SGCZ: variants seen among roughly 807,000 people sequenced by gnomAD.
SGCZ encodes the protein zeta-sarcoglycan.
In SGCZ, 40 loss-of-function variants were observed where a neutral mutation model predicts 41.3. The ratio of observed to expected loss-of-function variants is 0.97; its 90% confidence interval spans 0.75 to 1.26. The LOEUF is 1.26. SGCZ is among the 50% of genes most tolerant of loss of function. The pLI is 0.00. For missense variants in SGCZ, 552 were observed against 369.8 expected (o/e 1.49, Z -4.04); for synonymous variants, 206 against 137.5 (o/e 1.50, Z -3.49).
At chr8:14,099,465 G>A (rs569548502) in intron 7 of SGCZ, among the ~76,000 whole-genome samples, 13 of 152,260 alleles carry the variant, frequency 8.5e-5, no homozygotes, top group South Asian at 6.2e-4. Context: ...GGTGGCTCAC[G>A]CCTGTAATCC....
At chr8:15,224,757 C>A (rs1554480991) in intron 1 of SGCZ, among the ~76,000 whole-genome samples, 2 of 151,946 alleles carry the variant, frequency 1.3e-5, no homozygotes, top group Non-Finnish European at 2.9e-5. Context: ...GAAAAACTAG[C>A]CAAAATAAAG....
At chr8:14,808,873 A>G (rs568762711) in intron 1 of SGCZ, among the ~76,000 whole-genome samples, 83 of 151,944 alleles carry the variant, frequency 5.5e-4, no homozygotes, top group African/African-American at 1.9e-3. Context: ...AATGTGGCAC[A>G]TATACACCAT....
chr8:15,227,102 C>T (rs1801800654), intron 1 of SGCZ, among the ~76,000 whole-genome samples: 1 of 152,086 alleles, frequency 6.6e-6, no homozygotes, highest in Non-Finnish European at 1.5e-5. Flanking sequence ...GTGCATGTAG[C>T]CCAAGAGAAA....
At chr8:14,175,436 T>C (rs1320228235) in intron 4 of SGCZ, among the ~76,000 whole-genome samples, 2 of 152,058 alleles carry the variant, frequency 1.3e-5, no homozygotes, top group Non-Finnish European at 2.9e-5. Context: ...TTGAGAAATA[T>C]AGAGAAATAA....
chr8:14,504,795 CT>C (rs1484167692), intron 2 of SGCZ, among the ~76,000 whole-genome samples: 2 of 152,038 alleles, frequency 1.3e-5, no homozygotes, highest in Non-Finnish European at 2.9e-5. Context: ...CAGCTGAAAC[CT>C]TTTTGTGATT....
chr8:14,245,550 C>G (rs563844930), intron 3 of SGCZ, among the ~76,000 whole-genome samples: 1 of 152,234 alleles, frequency 6.6e-6, no homozygotes, highest in African/African-American at 2.4e-5. Flanking sequence ...GACTTCATGT[C>G]TAAAACACCA....
In SGCZ at chr8:14,274,087, T is replaced by G. The variant is rs958321724; in HGVS notation, c.337-36408A>C. Among the ~76,000 whole-genome samples the G allele has an allele frequency of 2.6e-5, 4 of 152,132 alleles. 1 individual carries two copies. The highest frequency in any genetic ancestry group is 5.9e-5 in the Non-Finnish European group (4 of 67,998). ...CCCCTGTTACATGTATTCTAATATT[T>G]TACTATTCACTTGTTTTCTTGAAGT... On this transcript the variant is annotated intron_variant, in intron 3 of 7. Transcript: ENST00000382080.
intron 2 of SGCZ, among the ~76,000 whole-genome samples, chr8:14,461,409 A>C (rs1263274321): frequency 6.6e-6 from 1 of 152,116 alleles, no homozygotes; most frequent in African/African-American, 2.4e-5. Flanking sequence ...ACACATGTGT[A>C]ATTTCTTTCA....
intron 1 of SGCZ, among the ~76,000 whole-genome samples, chr8:15,098,918 G>T (rs1398882793): frequency 2.0e-5 from 3 of 152,066 alleles, no homozygotes; most frequent in Non-Finnish European, 4.4e-5. Context: ...ATTAGCCGGG[G>T]GTGGTGGTGG....
At chr8:14,635,062 A>C (rs1336421786) in intron 1 of SGCZ, among the ~76,000 whole-genome samples, 1 of 131,452 alleles carries the variant, frequency 7.6e-6, no homozygotes, top group Non-Finnish European at 1.7e-5. Flanking sequence ...AAATAGTATT[A>C]TAATTTAAAA....
intron 7 of SGCZ, among the ~76,000 whole-genome samples, chr8:14,097,272 C>T (rs1035986143): frequency 6.6e-6 from 1 of 152,132 alleles, no homozygotes; most frequent in Non-Finnish European, 1.5e-5. Flanking sequence ...TTATGTGTGT[C>T]CCAGAGATTC....
intron 6 of SGCZ, among the ~76,000 whole-genome samples, chr8:14,106,580 G>T (rs1055885736): frequency 6.6e-6 from 1 of 151,482 alleles, no homozygotes; most frequent in East Asian, 1.9e-4. Context: ...CTGTTGTAAA[G>T]TATGGTTTCG....
chr8:14,882,526 A>G (rs1804631230), intron 1 of SGCZ, among the ~76,000 whole-genome samples: 1 of 152,130 alleles, frequency 6.6e-6, no homozygotes, highest in South Asian at 2.1e-4. Context: ...TATTACTGCT[A>G]TGTAATAAAG....
chr8:14,516,547 A>G (rs967926412), intron 2 of SGCZ, among the ~76,000 whole-genome samples: 3 of 152,126 alleles, frequency 2.0e-5, no homozygotes, highest in Admixed American at 6.6e-5. Context: ...TACGTTTTCT[A>G]CATGACCTGT....
In SGCZ at chr8:14,495,778, C is replaced by A. The variant is rs983016012; in HGVS notation, c.234+58954G>T. ...CCATAATGAGACGACGTTAGATAAACGTTTTTTTGAAAAACTGTATTTTTG... is the reference window on the plus strand; with the variant it reads ...CCATAATGAGACGACGTTAGATAAAAGTTTTTTTGAAAAACTGTATTTTTG... On this transcript the variant is annotated intron_variant, in intron 2 of 7. Transcript: ENST00000382080. Among the ~76,000 whole-genome samples, 7 of 108,438 alleles carry A rather than the reference C, an allele frequency of 6.5e-5. No homozygotes were observed. In the Admixed American group the frequency reaches 6.9e-4, roughly 11 times the overall value. The allele number at this position is 108,438 out of a possible 152,430, so 71.1% of individuals were successfully genotyped here.
intron 1 of SGCZ, among the ~76,000 whole-genome samples, chr8:15,217,207 G>A (rs1801432768): frequency 6.6e-6 from 1 of 151,854 alleles, no homozygotes; most frequent in African/African-American, 2.4e-5. Context: ...CACGAGGTCA[G>A]GAGATCGAGA....
chr8:14,278,804 T>G (rs62500229), intron 3 of SGCZ, among the ~76,000 whole-genome samples: 40,107 of 152,020 alleles, frequency 0.26, 6,789 homozygotes, highest in Non-Finnish European at 0.38. Flanking sequence ...TTCTATGATC[T>G]ACCTCTATAT....
At chr8:15,098,143 G>C (rs1806457333) in intron 1 of SGCZ, among the ~76,000 whole-genome samples, 1 of 151,614 alleles carries the variant, frequency 6.6e-6, no homozygotes, top group Non-Finnish European at 1.5e-5. Flanking sequence ...AGCAGAGCAG[G>C]AAAGGAGGTA....
At chr8:14,754,796 G>A (rs1799605836) in intron 1 of SGCZ, among the ~76,000 whole-genome samples, 1 of 152,102 alleles carries the variant, frequency 6.6e-6, no homozygotes, top group South Asian at 2.1e-4. Context: ...CAACCTTCCT[G>A]GGCTCAAGCA....
Sources: gnomAD v4.1 joint callset for allele counts (sites outside exome capture counted in the v4.1 genomes callset) on GRCh38, gnomAD v4.1.1 for gene constraint, MANE v1.5 for transcripts, NCBI Gene and HGNC (gene_info 2026-07-23, HGNC 2026-07-21) for gene names.